LRBA: variants seen among roughly 807,000 people sequenced by gnomAD.
The protein encoded by LRBA is LPS responsive beige-like anchor protein.
LRBA carries 176 observed loss-of-function variants against 330.0 expected under a neutral mutation model. The observed-to-expected ratio is 0.53, with a 90% confidence interval of 0.47 to 0.60. The LOEUF (loss-of-function observed/expected upper bound fraction) is 0.60. Among genes scored for constraint, LRBA ranks in the 20% least tolerant of loss-of-function variants. LRBA has a pLI of 0.00. For synonymous variants in LRBA, 1,230 were observed against 1,193.0 expected (o/e 1.03, Z -0.64); for missense variants, 3,259 against 3,444.8 (o/e 0.95, Z 1.35).
At chr4:150,752,600 A>G (rs2126401087) in intron 35 of LRBA, among the ~76,000 whole-genome samples, 1 of 152,266 alleles carries the variant, frequency 6.6e-6, no homozygotes. Flanking sequence ...TTGATCAGAG[A>G]CCACAAGGTA....
intron 5 of LRBA, among the ~76,000 whole-genome samples, chr4:150,920,621 C>A (rs1196505876): frequency 1.3e-5 from 2 of 152,048 alleles, no homozygotes; most frequent in African/African-American, 4.8e-5. Flanking sequence ...TTAGAAACTT[C>A]CATAAATAAC....
At chr4:150,999,538 C>T (rs1579450529) in intron 2 of LRBA, among the ~76,000 whole-genome samples, 3 of 151,970 alleles carry the variant, frequency 2.0e-5, no homozygotes, top group South Asian at 4.2e-4. Context: ...CCTGGGATTA[C>T]ATGCATGAGC....
chr4:150,809,898 A>C (rs1743426916), intron 31 of LRBA, among the ~76,000 whole-genome samples: 1 of 150,440 alleles, frequency 6.6e-6, no homozygotes, highest in South Asian at 2.1e-4. Context: ...ACGATACGAT[A>C]CGATACGATA....
intron 28 of LRBA, among the ~76,000 whole-genome samples, chr4:150,837,920 T>C (rs1748405850): frequency 1.3e-5 from 2 of 152,204 alleles, no homozygotes; most frequent in Non-Finnish European, 2.9e-5. Context: ...GTTTTTGCAG[T>C]GGCTGGTACT....
intron 40 of LRBA, among the ~76,000 whole-genome samples, chr4:150,540,281 G>A (rs1232733687): frequency 2.6e-5 from 4 of 152,222 alleles, no homozygotes; most frequent in East Asian, 1.9e-4. Context: ...GTGCAGTGGC[G>A]CGATCTCGGC....
chr4:150,689,826 G>T (rs1783958041), intron 36 of LRBA, among the ~76,000 whole-genome samples: 1 of 152,162 alleles, frequency 6.6e-6, no homozygotes, highest in African/African-American at 2.4e-5. Flanking sequence ...TTGGGAGGCT[G>T]AGGTGGGAGG....
At chr4:150,441,301 A>G (rs1032777466) in intron 44 of LRBA, among the ~76,000 whole-genome samples, 6 of 152,156 alleles carry the variant, frequency 3.9e-5, no homozygotes, top group African/African-American at 7.2e-5. Flanking sequence ...GAAGCCTAAG[A>G]GTAAACAGTA....
At chr4:150,588,003 C>A in intron 40 of LRBA, 45 bp downstream of exon 40, 2 of 1,592,542 alleles carry the variant, frequency 1.3e-6, no homozygotes, top group Non-Finnish European at 1.7e-6. Context: ...CAACAGCACC[C>A]ACCATCCCAT....
chr4:150,947,226 C>CA (rs543016036), intron 2 of LRBA, among the ~76,000 whole-genome samples: 1,294 of 126,902 alleles, frequency 0.01, 11 homozygotes, highest in African/African-American at 0.03. Context: ...AAGACAGTAC[C>CA]AAAAAAAAAA....
intron 33 of LRBA, among the ~76,000 whole-genome samples, chr4:150,804,383 C>T (rs1001157013): frequency 6.6e-6 from 1 of 152,152 alleles, no homozygotes; most frequent in Admixed American, 6.5e-5. Context: ...CTAACTAAAG[C>T]TTCATATGTA....
At chr4:150,336,941 C>G (rs1478554859) in intron 48 of LRBA, among the ~76,000 whole-genome samples, 3 of 152,180 alleles carry the variant, frequency 2.0e-5, no homozygotes, top group African/African-American at 7.2e-5. Context: ...CATTGATGTG[C>G]TCATTCAAAA....
intron 37 of LRBA, among the ~76,000 whole-genome samples, chr4:150,663,603 C>A (rs958921894): frequency 1.3e-5 from 2 of 150,862 alleles, no homozygotes; most frequent in Non-Finnish European, 2.9e-5. Flanking sequence ...TCCATGGAAT[C>A]TCATATCAAT....
chr4:150,382,852 T>C (rs976230713), intron 47 of LRBA, among the ~76,000 whole-genome samples: 1 of 152,150 alleles, frequency 6.6e-6, no homozygotes, highest in African/African-American at 2.4e-5. Context: ...TGACAAAATA[T>C]TTTTTCAAAT....
intron 22 of LRBA, among the ~76,000 whole-genome samples, chr4:150,861,177 T>TA (rs915437219): frequency 2.6e-5 from 4 of 152,070 alleles, no homozygotes; most frequent in African/African-American, 7.2e-5. Context: ...AGTTCACTGT[T>TA]ACGTTACTTC....
chr4:150,656,934 G>T (rs1228997918), intron 37 of LRBA, among the ~76,000 whole-genome samples: 3 of 152,118 alleles, frequency 2.0e-5, no homozygotes, highest in Non-Finnish European at 4.4e-5. Flanking sequence ...ATTAGACTAG[G>T]TTAAACATAT....
chr4:150,282,489 T>A lies in LRBA; in HGVS notation c.8277A>T (p.Gly2759=). 6.2e-7 allele frequency: 1 copy of A among 1,614,214 alleles called. No homozygotes were observed. The highest frequency in any genetic ancestry group is 8.5e-7 in the Non-Finnish European group (1 of 1,180,032). ...CTGTTTCCATCGTGGCCTGGAGTTT[T>A]CCATTCACACTGAATGTACAGAAGA... The part of the protein sequence containing the change: ...NGLFCTFSVN[G]KLQATMETDD... Residue 2759 remains glycine, a synonymous_variant, in exon 55 of 57, where the codon GGA becomes GGT. Transcript: ENST00000651943.
chr4:150,983,724 G>A (rs1741118680), intron 2 of LRBA, among the ~76,000 whole-genome samples: 1 of 151,614 alleles, frequency 6.6e-6, no homozygotes, highest in African/African-American at 2.4e-5. Context: ...CAAACTGCTG[G>A]GATTACAGGT....
At chr4:150,471,584 T>C in intron 43 of LRBA, 40 bp downstream of exon 43, 1 of 1,146,866 alleles carries the variant, frequency 8.7e-7, no homozygotes, top group Non-Finnish European at 1.3e-6. Flanking sequence ...AAATTAATAA[T>C]TTATTGTCTA....
chr4:150,881,813 G>A (rs969603010), intron 17 of LRBA, among the ~76,000 whole-genome samples: 11 of 152,150 alleles, frequency 7.2e-5, no homozygotes, highest in Non-Finnish European at 1.2e-4. Context: ...AGGGCTGGGC[G>A]CGGTGGCTCA....
Sources: allele counts gnomAD v4.1 joint callset (sites outside exome capture counted in the v4.1 genomes callset), GRCh38; gene constraint gnomAD v4.1.1; transcripts MANE v1.5; gene names NCBI Gene and HGNC (gene_info 2026-07-23, HGNC 2026-07-21).